Variants in ITFG2 observed in about 807,000 individuals in gnomAD.
ITFG2 encodes the protein KICSTOR complex protein ITFG2.
Under a neutral mutation model 54.4 loss-of-function variants are expected in ITFG2, and 36 were observed. That is an observed-to-expected ratio of 0.66 (90% CI 0.51 to 0.87). The LOEUF (loss-of-function observed/expected upper bound fraction) is 0.87. Among genes scored for constraint, ITFG2 ranks in the 40% least tolerant of loss-of-function variants. The pLI is 0.00. For synonymous variants in ITFG2, 211 were observed against 225.4 expected, an observed-to-expected ratio of 0.94 and a Z score of 0.57; for missense variants, 524 against 576.7, an observed-to-expected ratio of 0.91 and a Z score of 0.94.
chr12:2,856,227 C>G (rs771163380), intron 2 of ITFG2, among the ~76,000 whole-genome samples: 1 of 152,188 alleles, frequency 6.6e-6, no homozygotes, highest in Non-Finnish European at 1.5e-5. Context: ...TGAGTGACAG[C>G]TGGGACTTAA....
downstream of ITFG2, chr12:2,827,727 C>T (rs1466236192): frequency 1.9e-6 from 3 of 1,612,966 alleles, no homozygotes; most frequent in Non-Finnish European, 2.5e-6. This position sits in a 1 kb window ranked among gnomAD's most constrained non-coding sequence, Gnocchi z 4.0. Flanking sequence ...CCAGTGGTCA[C>T]TGCTGCCCTC....
At chr12:2,849,328 A>G (rs187689396) in intron 2 of ITFG2, 219 of 1,536,110 alleles carry the variant, frequency 1.4e-4, no homozygotes, top group African/African-American at 1.4e-3. Flanking sequence ...TCTGTCCTTT[A>G]TCAGGGTTTG....
At chr12:2,828,156 C>T (rs908464003), downstream of ITFG2, 27 of 1,201,968 alleles carry the variant, frequency 2.2e-5, no homozygotes, top group Admixed American at 5.5e-4. Flanking sequence ...CCCCTGACCT[C>T]ACGTGGGGTC....
rs2097938172 is a variant in ITFG2 at position 2,820,088 on chromosome 12, G to A, written c.409G>A (p.Gly137Arg). 2 of 1,606,522 alleles carry A rather than the reference G, an allele frequency of 1.2e-6. No individual in the cohort carries two copies. The highest frequency in any genetic ancestry group is 1.7e-5 in the Admixed American group (1 of 58,470). ...CATCTTGTCTTTCATGCCCACAGAT[G>A]GAGATGGGTGTCGTGAGCTGGTGGT... ...TKVMLISDID[G>R]DGCRELVVGY... The change falls in exon 5 of 12, where the codon GGA becomes AGA. Residue 137 changes from glycine to arginine, a missense_variant and splice_region_variant. Transcript: ENST00000228799.
rs532398174 is a variant in ITFG2, at chr12:2,843,587, TG to T, written n.300+2594del. On this transcript the variant is annotated intron_variant and non_coding_transcript_variant, in intron 2 of 3. Coordinates refer to the ITFG2 transcript ENST00000537710. ...CAGCACTTAAGGATGCCGAGGTGGG[TG>T]GATCACCTGAGGTCAGGAGTTCGAG... Among the ~76,000 whole-genome samples the T allele has an allele frequency of 2.0e-3, 296 of 151,620 alleles. 3 individuals carry two copies. The highest frequency in any genetic ancestry group is 6.9e-3 in the African/African-American group (285 of 41,334).
downstream of ITFG2, chr12:2,827,418 A>T: frequency 6.6e-7 from 1 of 1,521,074 alleles, no homozygotes; most frequent in Middle Eastern, 2.2e-4. The surrounding 1 kb of genome is among the most constrained non-coding windows in gnomAD (Gnocchi z 4.0). Flanking sequence ...CTCTTCCCCC[A>T]TCCCCATTTC....
chr12:2,831,036 AATC>A (rs1470094359), downstream of ITFG2: 1 of 548,920 alleles, frequency 1.8e-6, no homozygotes, highest in African/African-American at 2.0e-5. Flanking sequence ...CCCAGTATCA[AATC>A]ATGCCGTTTT....
intron 2 of ITFG2, chr12:2,855,278 G>GC: frequency 8.6e-6 from 13 of 1,517,980 alleles, no homozygotes; most frequent in Non-Finnish European, 1.1e-5. Context: ...GGGTGGATGA[G>GC]CCGCTGACGC....
At chr12:2,859,790 G>A (rs934982894) in exon 4 of ITFG2, 16 of 696,966 alleles carry the variant, frequency 2.3e-5, no homozygotes, top group African/African-American at 1.1e-4. Flanking sequence ...ATGAGAATAC[G>A]ATGTATGTTG....
At chr12:2,854,787 GCCAGAGC>G in intron 2 of ITFG2, 3 of 1,175,496 alleles carry the variant, frequency 2.6e-6, no homozygotes, top group Non-Finnish European at 3.5e-6. Context: ...TTTTCAGATG[GCCAGAGC>G]GGGGAAGGAC....
At chr12:2,842,824 C>T (rs190820903) in intron 2 of ITFG2, among the ~76,000 whole-genome samples, 1 of 152,282 alleles carries the variant, frequency 6.6e-6, no homozygotes, top group Admixed American at 6.5e-5. Context: ...CAGCTCCTTT[C>T]CTCTTTCCTG....
At chr12:2,818,526 G>T in intron 4 of ITFG2, 1 of 579,694 alleles carries the variant, frequency 1.7e-6, no homozygotes, top group Non-Finnish European at 2.9e-6. Context: ...GGCTAGGTGT[G>T]CTGCCTCTCG....
upstream of ITFG2, among the ~76,000 whole-genome samples, chr12:2,834,421 A>T (rs1565434834): frequency 6.6e-6 from 1 of 152,162 alleles, no homozygotes; most frequent in Non-Finnish European, 1.5e-5. Context: ...GGAAAAAGGG[A>T]AGCCAAGCAA....
downstream of ITFG2, among the ~76,000 whole-genome samples, chr12:2,831,752 CTTTCTTTTCTTTCTT>C (rs546873669): frequency 2.0e-5 from 3 of 151,976 alleles, no homozygotes; most frequent in Non-Finnish European, 4.4e-5. Context: ...TCTCTCTCTT[CTTTCTTTTCTTTCTT>C]TTTCTTTTCT....
rs887070495 is a variant in ITFG2, at chr12:2,822,672, C to T, written c.949-122C>T. 12 of 783,308 alleles carry T rather than the reference C, an allele frequency of 1.5e-5. No homozygotes were observed. In the Admixed American group the frequency reaches 2.5e-4, roughly 16 times the overall value. 48.5% of individuals were successfully genotyped at this position (783,308 alleles called of 1,614,324 possible). A position where few individuals can be genotyped will look rare whatever the true frequency, so the allele number is the denominator to read the frequency against. On this transcript the variant is annotated intron_variant, in intron 9 of 11. Coordinates refer to ENST00000228799, the MANE Select transcript of ITFG2 (RefSeq NM_018463.4). ...TGGCTGTGAGCATTATGTGAGGTGG[C>T]TCATTTGACAGTTGCGTTTACTGCC...
chr12:2,841,809 C>T (rs369514500), intron 2 of ITFG2, among the ~76,000 whole-genome samples: 2 of 151,828 alleles, frequency 1.3e-5, no homozygotes, highest in African/African-American at 4.8e-5. Context: ...ACCTCCGCCT[C>T]CTGGGTTCAA....
At chr12:2,834,608 A>C, upstream of ITFG2, 3 of 1,540,804 alleles carry the variant, frequency 1.9e-6, no homozygotes, top group Non-Finnish European at 2.6e-6. Context: ...GGAAAAGGCC[A>C]GGGGACGCTG....
Position 2,821,379 on chromosome 12 carries a change from G to C in ITFG2, c.793+20G>C. ...AACAAGGTGAAAGTGTGGTGGGTGT[G>C]AGGGAGGGAGATGAGGGGTAGCCGT... On this transcript the variant is annotated intron_variant, in intron 7 of 11. Coordinates refer to ENST00000228799, the MANE Select transcript of ITFG2 (RefSeq NM_018463.4). 1 of 1,593,160 alleles carries C rather than the reference G, an allele frequency of 6.3e-7. No individual in the cohort carries two copies. Among genetic ancestry groups the C allele is most frequent in the Non-Finnish European group, 8.6e-7 (1 of 1,166,406 alleles).
downstream of ITFG2, chr12:2,827,465 T>G: frequency 1.0e-6 from 1 of 985,396 alleles, no homozygotes; most frequent in South Asian, 4.7e-5. The surrounding 1 kb of genome is among the most constrained non-coding windows in gnomAD (Gnocchi z 4.0). Context: ...CCAGTTCTCT[T>G]GATTTTTCAC....
Sources: allele counts gnomAD v4.1 joint callset (sites outside exome capture counted in the v4.1 genomes callset), GRCh38; gene constraint gnomAD v4.1.1; non-coding constraint Gnocchi (gnomAD v3.1); transcripts MANE v1.5; gene names NCBI Gene and HGNC (gene_info 2026-07-23, HGNC 2026-07-21).